The following GALNT17 variants were observed in gnomAD, a reference collection of about 807,000 sequenced individuals.
GALNT17 encodes the protein UDP-GalNAc:polypeptide N-acetylgalactosaminyltransferase-like 3.
GALNT17 carries 29 observed loss-of-function variants against 63.7 expected under a neutral mutation model. The observed-to-expected ratio is 0.46, with a 90% confidence interval of 0.34 to 0.62. The LOEUF (loss-of-function observed/expected upper bound fraction) is 0.62, where lower values mean the gene tolerates loss of function less well. GALNT17 is among the 20% of genes least tolerant of loss of function. The pLI, the probability that GALNT17 is intolerant of heterozygous loss-of-function variation, is 0.01. For synonymous variants in GALNT17, 305 were observed against 318.3 expected (o/e 0.96, Z 0.45); for missense variants, 603 against 799.6 (o/e 0.75, Z 2.97).
At position 71,242,621 on chromosome 7, in the gene GALNT17, C is replaced by T. The variant is rs113926308; in HGVS notation, c.239-92929C>T. Among the ~76,000 whole-genome samples the T allele has an allele frequency of 1.0e-2, 1,517 of 152,228 alleles. 23 individuals carry two copies. The highest frequency in any genetic ancestry group is 0.035 in the African/African-American group (1,449 of 41,542). The stretch of plus-strand genomic sequence containing the variant: ...GAGGGGATGAACGTCCAAACTGATT[C>T]ACCTCCTATCTGCCACAGGCTGGAA... On this transcript the variant is annotated intron_variant, in intron 1 of 10. Coordinates refer to ENST00000333538, the MANE Select transcript of GALNT17 (RefSeq NM_022479.3).
At chr7:71,665,171 T>C (rs760096990) in intron 6 of GALNT17, among the ~76,000 whole-genome samples, 17 of 152,136 alleles carry the variant, frequency 1.1e-4, no homozygotes, top group Non-Finnish European at 2.1e-4. Flanking sequence ...GAGACGAGGT[T>C]TCACCATGTT....
intron 2 of GALNT17, among the ~76,000 whole-genome samples, chr7:71,354,826 T>C (rs1415103852): frequency 1.3e-5 from 2 of 152,184 alleles, no homozygotes; most frequent in African/African-American, 2.4e-5. Flanking sequence ...CTGGGCCTGA[T>C]GTTTTTTATG....
At chr7:71,166,932 C>G (rs1318320347) in intron 1 of GALNT17, among the ~76,000 whole-genome samples, 1 of 151,928 alleles carries the variant, frequency 6.6e-6, no homozygotes, top group Non-Finnish European at 1.5e-5. Context: ...TTATGTCACT[C>G]AGGCTGGAGT....
intron 2 of GALNT17, among the ~76,000 whole-genome samples, chr7:71,343,265 G>A (rs1792037127): frequency 1.3e-5 from 2 of 152,270 alleles, no homozygotes; most frequent in Non-Finnish European, 1.5e-5. Context: ...ATTCCCCAAT[G>A]GATAGGATCC....
chr7:71,306,076 C>T lies in GALNT17; in HGVS notation c.239-29474C>T, dbSNP rs764359553. ...TTTACTTAAAAATACTAAAATTAGG[C>T]GGGTGTGGTGGTGCGTGGCTGTAAT... On this transcript the variant is annotated intron_variant, in intron 1 of 10. Transcript: ENST00000333538. 7.9e-5 allele frequency among the ~76,000 whole-genome samples: 12 copies of T among 152,090 alleles called. 1 individual carries two copies. Among genetic ancestry groups the T allele is most frequent in the Non-Finnish European group, 1.2e-4 (8 of 68,002 alleles).
chr7:71,372,055 A>G (rs1400659551), intron 2 of GALNT17, among the ~76,000 whole-genome samples: 1 of 152,152 alleles, frequency 6.6e-6, no homozygotes, highest in African/African-American at 2.4e-5. Context: ...ATCATAGCTC[A>G]CTGCCATCTT....
At chr7:71,697,189 TG>T (rs1319276946) in intron 9 of GALNT17, among the ~76,000 whole-genome samples, 1 of 152,128 alleles carries the variant, frequency 6.6e-6, no homozygotes, top group African/African-American at 2.4e-5. Context: ...CTTAAATTGG[TG>T]GACCATGAGA....
intron 2 of GALNT17, among the ~76,000 whole-genome samples, chr7:71,365,672 CT>C (rs148125943): frequency 1.4e-4 from 21 of 148,866 alleles, no homozygotes; most frequent in South Asian, 4.3e-4. Flanking sequence ...GTTTTAAATT[CT>C]TTTTTTTTTA....
At chr7:71,516,809 A>G (rs954006924) in intron 5 of GALNT17, among the ~76,000 whole-genome samples, 2 of 152,092 alleles carry the variant, frequency 1.3e-5, no homozygotes, top group African/African-American at 4.8e-5. Context: ...GCTCTAACTC[A>G]AGATTTCTAC....
intron 3 of GALNT17, among the ~76,000 whole-genome samples, chr7:71,409,206 G>A (rs1707706684): frequency 6.6e-6 from 1 of 152,058 alleles, no homozygotes; most frequent in Non-Finnish European, 1.5e-5. Flanking sequence ...GATGGACAGG[G>A]CAACACTGGG....
At chr7:71,455,654 A>G (rs1365849174) in intron 5 of GALNT17, among the ~76,000 whole-genome samples, 2 of 152,104 alleles carry the variant, frequency 1.3e-5, no homozygotes, top group African/African-American at 2.4e-5. Flanking sequence ...GTTCCCAGAG[A>G]AGGCAGCTCT....
chr7:71,393,945 T>C (rs1793095346), intron 3 of GALNT17, among the ~76,000 whole-genome samples: 1 of 152,138 alleles, frequency 6.6e-6, no homozygotes, highest in African/African-American at 2.4e-5. Context: ...CTTGATGGGG[T>C]GTATCGCTCC....
At chr7:71,164,255 A>G (rs1391914257) in intron 1 of GALNT17, among the ~76,000 whole-genome samples, 1 of 152,242 alleles carries the variant, frequency 6.6e-6, no homozygotes, top group Non-Finnish European at 1.5e-5. Context: ...ACAGTTCTGC[A>G]TGGCTGGGAG....
At chr7:71,507,353 G>A (rs892055855) in intron 5 of GALNT17, among the ~76,000 whole-genome samples, 17 of 152,202 alleles carry the variant, frequency 1.1e-4, no homozygotes, top group Non-Finnish European at 1.5e-4. Flanking sequence ...TGAGCCTGAA[G>A]TTATTTGGCA....
chr7:71,384,953 G>A (rs1792913771), intron 2 of GALNT17, among the ~76,000 whole-genome samples: 1 of 152,152 alleles, frequency 6.6e-6, no homozygotes, highest in South Asian at 2.1e-4. Context: ...TTGACACTTA[G>A]CATCTCCTGC....
chr7:71,546,092 T>TCAA (rs369535513), intron 5 of GALNT17, among the ~76,000 whole-genome samples: 2,375 of 151,248 alleles, frequency 0.016, 45 homozygotes, highest in African/African-American at 0.047. Flanking sequence ...AGACCCTGTC[T>TCAA]CAACAACAAC....
In GALNT17 at chr7:71,669,544, A is replaced by G. The variant is rs1426665535; in HGVS notation, c.1267-428A>G. Among the ~76,000 whole-genome samples, 3 of 149,894 alleles carry G rather than the reference A, an allele frequency of 2.0e-5. No individual in the cohort carries two copies. The East Asian group carries it at 6.0e-4, about 30-fold the overall frequency. On this transcript the variant is annotated intron_variant, in intron 7 of 10. Coordinates refer to ENST00000333538, the MANE Select transcript of GALNT17 (RefSeq NM_022479.3). ...AAAACAAACACCCTTCTGAATAAGC[A>G]TACGAGGCTTAAGATCTTTTTTTTT...
chr7:71,670,051 A>T lies in GALNT17; in HGVS notation c.1346A>T (p.Tyr449Phe). Residue 449 changes from tyrosine to phenylalanine, a missense_variant, in exon 8 of 11, where the codon TAC (tyrosine) becomes TTC (phenylalanine). Tyr to Phe is a conservative substitution (Grantham distance 22). Transcript: ENST00000333538. ...KSLKCKNFQW[Y>F]LDHVYPEMRR... ...TTAAAGTGTAAGAATTTCCAGTGGT[A>T]CCTGGACCATGTTTACCCAGAAATG... The T allele has an allele frequency of 6.2e-7, 1 of 1,614,140 alleles. No homozygotes were observed. The highest frequency in any genetic ancestry group is 8.5e-7 in the Non-Finnish European group (1 of 1,179,976).
At position 71,712,077 on chromosome 7, in the gene GALNT17, G is replaced by C. The variant is rs781143053; in HGVS notation, c.1728G>C (p.Leu576=). 1.9e-6 allele frequency: 3 copies of C among 1,613,996 alleles called. No individual in the cohort carries two copies. The African/African-American group carries it at 4.0e-5, about 22-fold the overall frequency. ...GRCLEVENRG[L]AGIDLILRSC... is the part of the protein sequence containing the mutation. Reference sequence around the variant, plus strand: ...GCCTGGAGGTGGAGAACCGGGGCCTGGCTGGCATCGACCTCATCCTCCGCA... The same window carrying C: ...GCCTGGAGGTGGAGAACCGGGGCCTCGCTGGCATCGACCTCATCCTCCGCA... Residue 576 remains leucine (L), a synonymous_variant, in exon 11 of 11, where the codon CTG becomes CTC. Transcript: ENST00000333538.
Sources: allele counts gnomAD v4.1 joint callset (sites outside exome capture counted in the v4.1 genomes callset), GRCh38; gene constraint gnomAD v4.1.1; transcripts MANE v1.5; gene names NCBI Gene and HGNC (gene_info 2026-07-23, HGNC 2026-07-21).